HERC1: variants seen among roughly 807,000 people sequenced by gnomAD.
HERC1 encodes the protein probable E3 ubiquitin-protein ligase HERC1.
A neutral mutation model predicts 554.3 loss-of-function variants in HERC1; 160 were observed. The observed-to-expected ratio is 0.29, with a 90% CI of 0.25 to 0.33. The LOEUF is 0.33. Ranked by LOEUF, HERC1 falls within the 10% of genes least tolerant of loss-of-function variation. The probability of loss-of-function intolerance (pLI) is 1.00; values close to 1 mark genes in which losing one functional copy is unlikely to be tolerated. For missense variants in HERC1, 4,919 were observed against 5,918.5 expected (o/e 0.83, Z 5.54); for synonymous variants, 2,175 against 2,131.7 (o/e 1.02, Z -0.56).
chr15:63,738,250 G>A (rs539196848), intron 12 of HERC1, among the ~76,000 whole-genome samples: 41 of 152,168 alleles, frequency 2.7e-4, no homozygotes, highest in African/African-American at 8.9e-4. Flanking sequence ...TGTCAAGCTC[G>A]TGAAAGACAA....
chr15:63,636,273 GTTT>G (rs377344540), intron 64 of HERC1, 131 bp from the exon 65 acceptor site: 293 of 523,444 alleles, frequency 5.6e-4, no homozygotes, highest in Non-Finnish European at 6.5e-4. Context: ...AATTTCATTA[GTTT>G]TTTTTTTTTT....
Position 63,656,253 on chromosome 15 carries a change from G to C in HERC1, c.9705C>G (p.Leu3235=). The part of the protein sequence containing the change: ...MCLAAAGRAG[L]STSPSAMAST... The stretch of plus-strand genomic sequence containing the variant: ...TAGCCATGGCAGAAGGGCTGGTGGA[G>C]AGGCCAGCTCTCCCTGCTGCTGCCA... Residue 3235 remains leucine, a synonymous_variant, in exon 49 of 78, where the codon CTC becomes CTG. Transcript: ENST00000443617. 6.2e-7 allele frequency: 1 copy of C among 1,613,854 alleles called. No homozygotes were observed. Among genetic ancestry groups the C allele is most frequent in the Non-Finnish European group, 8.5e-7 (1 of 1,179,804 alleles).
In HERC1 at chr15:63,662,086, AG is replaced by A. The variant is rs2070386445; in HGVS notation, c.8902-66del. The A allele has an allele frequency of 3.5e-6, 5 of 1,443,844 alleles. No individual in the cohort carries two copies. In the Admixed American group the frequency reaches 1.0e-4, roughly 30 times the overall value. The allele number at this position is 1,443,844 out of a possible 1,614,324, so 89.4% of individuals were successfully genotyped here. Reference sequence around the variant, plus strand: ...AACATAAAACCAAGAAGTACCAAGTAGATTATTTATATTAAATTACTTTATT... The same window carrying A: ...AACATAAAACCAAGAAGTACCAAGTAATTATTTATATTAAATTACTTTATT... On this transcript the variant is annotated intron_variant, in intron 44 of 77. Coordinates refer to ENST00000443617, the MANE Select transcript of HERC1 (RefSeq NM_003922.4).
intron 46 of HERC1, among the ~76,000 whole-genome samples, chr15:63,660,145 C>T (rs2070274919): frequency 6.6e-6 from 1 of 151,950 alleles, no homozygotes; most frequent in Non-Finnish European, 1.5e-5. Context: ...ATGATGAAAC[C>T]CCATCCCCAC....
intron 1 of HERC1, among the ~76,000 whole-genome samples, chr15:63,828,050 G>GA (rs35798422): frequency 0.03 from 4,585 of 152,228 alleles, 178 homozygotes; most frequent in East Asian, 0.23. Context: ...AGTTGTGATG[G>GA]TTGCACCATC....
In HERC1 at chr15:63,609,825, C is replaced by G. The variant is rs528355786; in HGVS notation, c.14401-559G>C. The stretch of plus-strand genomic sequence containing the variant: ...AAGGGGCAGTCAATTAAACTCCAGT[C>G]CATCCATTCAACTGACGGTGATGCA... On this transcript the variant is annotated intron_variant, in intron 77 of 77. Coordinates refer to ENST00000443617, the MANE Select transcript of HERC1 (RefSeq NM_003922.4). Among the ~76,000 whole-genome samples, 3 of 152,298 alleles carry G rather than the reference C, an allele frequency of 2.0e-5. No individual in the cohort carries two copies. The East Asian group carries it at 5.8e-4, about 29-fold the overall frequency.
At chr15:63,790,706 C>G (rs934568087) in intron 1 of HERC1, among the ~76,000 whole-genome samples, 2 of 151,932 alleles carry the variant, frequency 1.3e-5, no homozygotes, top group East Asian at 3.8e-4. Context: ...GTTATGTTTC[C>G]CTTTCTTTAA....
intron 59 of HERC1, 132 bp from the exon 60 acceptor site, chr15:63,641,775 G>C: frequency 1.4e-6 from 1 of 702,618 alleles, no homozygotes; most frequent in Non-Finnish European, 2.2e-6. Context: ...ATCCAAAAAG[G>C]CTATGCTTTT....
At chr15:63,728,953 A>G (rs1567059921) in intron 16 of HERC1, among the ~76,000 whole-genome samples, 1 of 140,678 alleles carries the variant, frequency 7.1e-6, no homozygotes, top group East Asian at 1.9e-4. Context: ...AAAAAAAAAA[A>G]AGAGCAGATT....
At chr15:63,693,272 C>G (rs2072223863) in intron 30 of HERC1, among the ~76,000 whole-genome samples, 1 of 147,764 alleles carries the variant, frequency 6.8e-6, no homozygotes, top group Admixed American at 6.8e-5. Flanking sequence ...GAGACAGGCT[C>G]TCGCTCTGTC....
intron 68 of HERC1, among the ~76,000 whole-genome samples, chr15:63,631,954 A>G (rs762630889): frequency 2.8e-4 from 43 of 152,146 alleles, no homozygotes; most frequent in Non-Finnish European, 2.8e-4. Flanking sequence ...GATGATACGA[A>G]TAAGGATTTA....
chr15:63,825,294 G>A (rs2077855398), intron 1 of HERC1, among the ~76,000 whole-genome samples: 1 of 152,076 alleles, frequency 6.6e-6, no homozygotes, highest in African/African-American at 2.4e-5. Context: ...GCAAGACTCT[G>A]TCTCAAAAAA....
chr15:63,682,087 T>C (rs1223568250), intron 34 of HERC1, among the ~76,000 whole-genome samples: 5 of 152,092 alleles, frequency 3.3e-5, no homozygotes, highest in African/African-American at 9.7e-5. Flanking sequence ...CATTAGAATA[T>C]AGTTAAATAT....
chr15:63,651,374 C>T lies in HERC1; in HGVS notation c.10425G>A (p.Gly3475=). The T allele has an allele frequency of 6.2e-7, 1 of 1,613,118 alleles. No individual in the cohort carries two copies. Among genetic ancestry groups the T allele is most frequent in the Non-Finnish European group, 8.5e-7 (1 of 1,179,420 alleles). Residue 3475 remains glycine (G), a synonymous_variant, in exon 53 of 78, where the codon GGG becomes GGA. Transcript: ENST00000443617. ...GTGATCCCAGGCTTTCCTCAGCATC[C>T]CCTTCCCTAGAATATAACAGACAGA... is the stretch of plus-strand genomic sequence containing the variant. ...QQTCVFNRLE[G]DAEESLGSPS...
intron 1 of HERC1, among the ~76,000 whole-genome samples, chr15:63,776,395 CT>C (rs2076115758): frequency 6.6e-6 from 1 of 152,226 alleles, no homozygotes; most frequent in African/African-American, 2.4e-5. Context: ...GAGCCAAAAA[CT>C]TTGGGACTCA....
chr15:63,807,236 G>A (rs1053816018), intron 1 of HERC1, among the ~76,000 whole-genome samples: 5 of 152,140 alleles, frequency 3.3e-5, no homozygotes, highest in African/African-American at 9.7e-5. Context: ...TTTGCACCCT[G>A]TGAGGCTGTC....
intron 4 of HERC1, among the ~76,000 whole-genome samples, chr15:63,757,511 C>T (rs945823254): frequency 7.2e-5 from 11 of 152,046 alleles, no homozygotes; most frequent in Non-Finnish European, 1.6e-4. Flanking sequence ...AAACGATCCA[C>T]CCGCCTTGGC....
At chr15:63,826,602 T>C (rs996009618) in intron 1 of HERC1, among the ~76,000 whole-genome samples, 3 of 151,284 alleles carry the variant, frequency 2.0e-5, no homozygotes, top group Non-Finnish European at 4.4e-5. Flanking sequence ...AAATGAACAA[T>C]CCTGACTAGG....
At chr15:63,645,703 A>AT (rs1595884760) in intron 55 of HERC1, 21 bp from the exon 56 acceptor site, 1 of 1,410,098 alleles carries the variant, frequency 7.1e-7, no homozygotes, top group African/African-American at 1.4e-5. Flanking sequence ...AAGGAAGAGA[A>AT]AAAAAATCAG....
Sources: gnomAD v4.1 joint callset for allele counts (sites outside exome capture counted in the v4.1 genomes callset) on GRCh38, gnomAD v4.1.1 for gene constraint, MANE v1.5 for transcripts, NCBI Gene and HGNC (gene_info 2026-07-23, HGNC 2026-07-21) for gene names.